RPH3AL: variants seen among roughly 807,000 people sequenced by gnomAD.
RPH3AL encodes the protein rab effector Noc2.
In RPH3AL, 38 loss-of-function variants were observed where a neutral mutation model predicts 43.1. That is an observed-to-expected ratio of 0.88 (90% CI 0.68 to 1.15). RPH3AL has a LOEUF of 1.15. Ranked by LOEUF, RPH3AL falls within the 50% of genes most tolerant of loss-of-function variation. The pLI is 0.00. For missense variants in RPH3AL, 462 were observed against 423.2 expected, an observed-to-expected ratio of 1.09 and a Z score of -0.81; for synonymous variants, 189 against 176.3, an observed-to-expected ratio of 1.07 and a Z score of -0.57.
At chr17:296,822 C>T (rs758057994) in intron 5 of RPH3AL, among the ~76,000 whole-genome samples, 7 of 152,302 alleles carry the variant, frequency 4.6e-5, no homozygotes, top group Admixed American at 6.5e-5. Context: ...GGTTTTGAAA[C>T]GTGGATCAAT....
intron 1 of RPH3AL, 189 bp from the exon 2 acceptor site, chr17:334,123 C>CA (rs1224278334): frequency 1.3e-5 from 2 of 153,302 alleles, no homozygotes; most frequent in East Asian, 3.8e-4. Context: ...ACCCCTCCAG[C>CA]CGACTGTTCC....
At chr17:223,524 C>G (rs764686968) in intron 7 of RPH3AL, among the ~76,000 whole-genome samples, 3 of 152,164 alleles carry the variant, frequency 2.0e-5, no homozygotes, top group Non-Finnish European at 4.4e-5. Context: ...AACCCTGAGC[C>G]GCTGGTGAGA....
At chr17:314,179 C>T (rs1454770366) in intron 5 of RPH3AL, among the ~76,000 whole-genome samples, 1 of 152,208 alleles carries the variant, frequency 6.6e-6, no homozygotes, top group Non-Finnish European at 1.5e-5. Flanking sequence ...AGGCCCTGGA[C>T]TGTCCCAGGG....
At chr17:314,970 A>T (rs146066977) in intron 5 of RPH3AL, among the ~76,000 whole-genome samples, 650 of 3,648 alleles carry the variant, frequency 0.18, 6 homozygotes, top group African/African-American at 0.28. Flanking sequence ...TCCATTGACC[A>T]GTAGTCCCTG....
At chr17:216,703 C>A (rs961679402) in intron 8 of RPH3AL, among the ~76,000 whole-genome samples, 1 of 152,118 alleles carries the variant, frequency 6.6e-6, no homozygotes, top group African/African-American at 2.4e-5. Context: ...CCTGATGGAG[C>A]CTGGGAAGTC....
intron 6 of RPH3AL, among the ~76,000 whole-genome samples, chr17:259,823 T>C (rs371893277): frequency 3.9e-5 from 6 of 152,266 alleles, no homozygotes; most frequent in African/African-American, 1.2e-4. Flanking sequence ...CCAATCTGAC[T>C]GCAGATTCTC....
chr17:344,583 A>C lies in RPH3AL; in HGVS notation c.-213+8129T>G, dbSNP rs144866268. 2.6e-3 allele frequency among the ~76,000 whole-genome samples: 351 copies of C among 132,858 alleles called. 47 individuals are homozygous for C. Among genetic ancestry groups the C allele is most frequent in the African/African-American group, 7.7e-3 (298 of 38,724 alleles). The allele number at this position is 132,858 out of a possible 152,430, so 87.2% of individuals were successfully genotyped here. A position where few individuals can be genotyped will look rare whatever the true frequency, so the allele number is the denominator to read the frequency against. ...CACCAACACCACTATCATCGCCCTC[A>C]TCATCACCATCATTGTCAATCAGCA... On this transcript the variant is annotated intron_variant, in intron 1 of 9. Coordinates refer to ENST00000331302, the MANE Select transcript of RPH3AL (RefSeq NM_006987.4).
intron 5 of RPH3AL, among the ~76,000 whole-genome samples, chr17:305,645 C>A (rs1480445248): frequency 6.6e-6 from 1 of 152,152 alleles, no homozygotes; most frequent in African/African-American, 2.4e-5. Flanking sequence ...CACAGACATT[C>A]AGGCAGGTTC....
chr17:282,449 G>T (rs899395000), intron 5 of RPH3AL, among the ~76,000 whole-genome samples: 36 of 152,258 alleles, frequency 2.4e-4, no homozygotes, highest in African/African-American at 8.4e-4. Flanking sequence ...ACGGATTCCG[G>T]TCGGACTCCA....
At position 283,543 on chromosome 17, in the gene RPH3AL, A is replaced by G. The variant is rs938519260; in HGVS notation, c.352-1689T>C. ...TCAGCCACACTTGGGGCCCCTTTCC[A>G]GCTCTCATGAAGGTCCTAGGCTTGG... On this transcript the variant is annotated intron_variant, in intron 5 of 9. Coordinates refer to ENST00000331302, the MANE Select transcript of RPH3AL (RefSeq NM_006987.4). This position sits in a 1 kb window ranked among gnomAD's most constrained non-coding sequence, Gnocchi z 4.2. Among the ~76,000 whole-genome samples the G allele has an allele frequency of 3.3e-5, 5 of 152,106 alleles. No homozygotes were observed. Among genetic ancestry groups the G allele is most frequent in the Admixed American group, 1.3e-4 (2 of 15,280 alleles).
At chr17:334,044 C>T (rs893221656) in intron 1 of RPH3AL, 110 bp from the exon 2 acceptor site, 1 of 152,464 alleles carries the variant, frequency 6.6e-6, no homozygotes, top group Non-Finnish European at 1.5e-5. Flanking sequence ...TTTGTGGGCT[C>T]AGAAGCTGGT....
chr17:276,215 G>T (rs2042651877), intron 6 of RPH3AL, among the ~76,000 whole-genome samples: 1 of 152,230 alleles, frequency 6.6e-6, no homozygotes, highest in South Asian at 2.1e-4. Context: ...ACCGTGCTAA[G>T]AAATGACTAA....
chr17:225,142 A>G lies in RPH3AL; in HGVS notation c.614-5406T>C, dbSNP rs1048736924. Among the ~76,000 whole-genome samples, 2 of 149,264 alleles carry G rather than the reference A, an allele frequency of 1.3e-5. No homozygotes were observed. Among genetic ancestry groups the G allele is most frequent in the South Asian group, 2.1e-4 (1 of 4,766 alleles). ...AAAAAAAAAAAAAAGAGTGATGAGC[A>G]TGGGATCAGGCCTGGCCTCTCCTTC... On this transcript the variant is annotated intron_variant, in intron 7 of 9. Transcript: ENST00000331302. This position sits in a 1 kb window ranked among gnomAD's most constrained non-coding sequence, Gnocchi z 4.4.
intron 6 of RPH3AL, 199 bp from the exon 7 acceptor site, chr17:247,484 T>C (rs1567582727): frequency 5.7e-6 from 3 of 523,556 alleles, no homozygotes; most frequent in Admixed American, 3.6e-5. Flanking sequence ...CTCCAAACCT[T>C]CTTTCTCTCC....
At chr17:239,624 G>A (rs2041481171) in intron 7 of RPH3AL, among the ~76,000 whole-genome samples, 1 of 152,014 alleles carries the variant, frequency 6.6e-6, no homozygotes, top group South Asian at 2.1e-4. Context: ...ATTCTGTTTT[G>A]TTTTGTTTTG....
chr17:352,313 T>C (rs2045370116), intron 1 of RPH3AL, among the ~76,000 whole-genome samples: 1 of 152,212 alleles, frequency 6.6e-6, no homozygotes, highest in African/African-American at 2.4e-5. Context: ...GCCCATCTGC[T>C]GCTAGCGCAC....
intron 6 of RPH3AL, among the ~76,000 whole-genome samples, chr17:258,953 A>C (rs1004840127): frequency 3.9e-5 from 6 of 152,046 alleles, no homozygotes; most frequent in Non-Finnish European, 8.8e-5. Flanking sequence ...ACTATCAAAA[A>C]AGCCCGTCAA....
At chr17:272,372 T>A (rs111587332) in intron 6 of RPH3AL, among the ~76,000 whole-genome samples, 20,697 of 151,742 alleles carry the variant, frequency 0.14, 1,805 homozygotes, top group Admixed American at 0.21. Flanking sequence ...CCATCAGTGA[T>A]AGACTGGATT....
intron 2 of RPH3AL, chr17:332,165 G>A: frequency 3.0e-6 from 1 of 333,860 alleles, no homozygotes; most frequent in Admixed American, 4.0e-5. Context: ...TCTGTGGACA[G>A]GGCTGGTGGA....
Sources: allele counts gnomAD v4.1 joint callset (sites outside exome capture counted in the v4.1 genomes callset), GRCh38; gene constraint gnomAD v4.1.1; non-coding constraint Gnocchi (gnomAD v3.1); transcripts MANE v1.5; gene names NCBI Gene and HGNC (gene_info 2026-07-23, HGNC 2026-07-21).